The following TOP6BL variants were observed in gnomAD, a reference collection of about 807,000 sequenced individuals.
TOP6BL encodes the protein type 2 DNA topoisomerase 6 subunit B-like.
the TOP6BL span, among the ~76,000 whole-genome samples, chr11:66,836,555 A>G: frequency 1.4e-5 from 2 of 147,698 alleles, no homozygotes; most frequent in South Asian, 4.6e-4. Flanking sequence ...TTGAGTTATG[A>G]GAGTTCTTTA....
chr11:66,806,956 AAT>A, the TOP6BL span, among the ~76,000 whole-genome samples: 1 of 152,204 alleles, frequency 6.6e-6, no homozygotes, highest in Non-Finnish European at 1.5e-5. Flanking sequence ...AACAGTATAG[AAT>A]AAATAAGTTT....
the TOP6BL span, among the ~76,000 whole-genome samples, chr11:66,799,298 A>C: frequency 2.7e-5 from 4 of 149,808 alleles, no homozygotes; most frequent in East Asian, 7.8e-4. Context: ...AGGCAGGAGA[A>C]CTGATTGAAC....
chr11:66,767,177 C>T, the TOP6BL span, among the ~76,000 whole-genome samples: 1 of 152,134 alleles, frequency 6.6e-6, no homozygotes, highest in Non-Finnish European at 1.5e-5. Context: ...GAATAATGCC[C>T]ATTAAGATAG....
At chr11:66,796,416 C>T in the TOP6BL span, 1 of 1,385,004 alleles carries the variant, frequency 7.2e-7, no homozygotes, top group Admixed American at 1.9e-5. Context: ...TCATTGTTTT[C>T]CAGAGACCTT....
At chr11:66,806,478 T>C in the TOP6BL span, among the ~76,000 whole-genome samples, 1 of 152,082 alleles carries the variant, frequency 6.6e-6, no homozygotes, top group South Asian at 2.1e-4. Flanking sequence ...TTATAAACAA[T>C]GAGAACAGGC....
At chr11:66,821,673 A>G in the TOP6BL span, 31 of 1,611,100 alleles carry the variant, frequency 1.9e-5, no homozygotes, top group South Asian at 7.7e-5. Flanking sequence ...ACTCATCTCA[A>G]TGCCATCCTT....
At chr11:66,755,359 G>A in the TOP6BL span, among the ~76,000 whole-genome samples, 3 of 152,088 alleles carry the variant, frequency 2.0e-5, no homozygotes, top group Admixed American at 2.0e-4. Flanking sequence ...AACCTCAGGT[G>A]ATCCACCTGC....
At chr11:66,839,956 C>A in the TOP6BL span, among the ~76,000 whole-genome samples, 3 of 152,078 alleles carry the variant, frequency 2.0e-5, no homozygotes, top group Non-Finnish European at 4.4e-5. Flanking sequence ...TGAGGCAGAA[C>A]GCTTAGCAGG....
the TOP6BL span, among the ~76,000 whole-genome samples, chr11:66,764,665 C>CAA: frequency 9.1e-4 from 118 of 129,102 alleles, 1 homozygote; most frequent in African/African-American, 2.1e-3. Context: ...ACTCCATCTC[C>CAA]AAAAAAAAAA....
chr11:66,765,309 A>T, the TOP6BL span, among the ~76,000 whole-genome samples: 25 of 152,224 alleles, frequency 1.6e-4, no homozygotes, highest in Admixed American at 1.6e-3. Flanking sequence ...AACTCAAAGC[A>T]ATTTCATTTA....
chr11:66,803,102 C>T, the TOP6BL span, among the ~76,000 whole-genome samples: 2 of 152,288 alleles, frequency 1.3e-5, no homozygotes, highest in Admixed American at 6.5e-5. Context: ...TTGTTACTAT[C>T]AAACAGCAAC....
At chr11:66,836,516 G>A in the TOP6BL span, among the ~76,000 whole-genome samples, 1 of 147,734 alleles carries the variant, frequency 6.8e-6, no homozygotes, top group Admixed American at 6.7e-5. Context: ...GCCCTCTTTT[G>A]CCCATTTTTA....
the TOP6BL span, chr11:66,758,302 C>CTTTTCTTTTTTTTTTTTTTTTT: frequency 4.5e-5 from 3 of 67,318 alleles, no homozygotes; most frequent in East Asian, 9.8e-4. Flanking sequence ...TTTTCTTTTT[C>CTTTTCTTTTTTTTTTTTTTTTT]TTTTTTTTTT....
the TOP6BL span, among the ~76,000 whole-genome samples, chr11:66,801,474 G>C: frequency 6.6e-6 from 1 of 152,102 alleles, no homozygotes; most frequent in Non-Finnish European, 1.5e-5. Flanking sequence ...ATTATTTTCT[G>C]TGCATCAGCA....
chr11:66,843,275 G>A, the TOP6BL span: 1 of 1,600,352 alleles, frequency 6.2e-7, no homozygotes, highest in Non-Finnish European at 8.5e-7. Context: ...TCCGGAGGCT[G>A]CGGGCAGCCG....
the TOP6BL span, among the ~76,000 whole-genome samples, chr11:66,803,199 T>C: frequency 1.3e-5 from 2 of 152,176 alleles, no homozygotes; most frequent in Non-Finnish European, 2.9e-5. Context: ...TTGTGATTCA[T>C]GGGCCCCCTC....
At chr11:66,761,392 T>A in the TOP6BL span, among the ~76,000 whole-genome samples, 2 of 151,200 alleles carry the variant, frequency 1.3e-5, no homozygotes, top group Non-Finnish European at 3.0e-5. Flanking sequence ...GAAAAAAAGA[T>A]AAAAAGGAAA....
chr11:66,827,680 A>G, the TOP6BL span, among the ~76,000 whole-genome samples: 2 of 151,968 alleles, frequency 1.3e-5, no homozygotes, highest in African/African-American at 2.4e-5. Flanking sequence ...AGATGGGAGA[A>G]CAGGCCAGGC....
the TOP6BL span, among the ~76,000 whole-genome samples, chr11:66,836,694 AAT>A: frequency 9.3e-6 from 1 of 107,750 alleles, no homozygotes; most frequent in Admixed American, 1.3e-4. Flanking sequence ...CACTACAGAA[AAT>A]ATGATTTTTT....
Sources: allele counts gnomAD v4.1 joint callset (sites outside exome capture counted in the v4.1 genomes callset), GRCh38; gene constraint gnomAD v4.1.1; transcripts MANE v1.5; gene names NCBI Gene and HGNC (gene_info 2026-07-23, HGNC 2026-07-21).